Variants in OR2T6 observed in about 807,000 individuals in gnomAD.
OR2T6 encodes the protein olfactory receptor 2T6.
For missense variants in OR2T6, 424 were observed against 391.6 expected (o/e 1.08, Z -0.70); for synonymous variants, 174 against 148.0 (o/e 1.18, Z -1.27).
At chr1:248,387,059 C>G (rs149275039) in intron 2 of OR2T6, among the ~76,000 whole-genome samples, 129 of 152,274 alleles carry the variant, frequency 8.5e-4, no homozygotes, top group African/African-American at 3.0e-3. Context: ...TGAGGGAACA[C>G]ATAAGAATGA....
chr1:248,385,135 G>T (rs1223729205), intron 2 of OR2T6, among the ~76,000 whole-genome samples: 1 of 152,142 alleles, frequency 6.6e-6, no homozygotes, highest in Non-Finnish European at 1.5e-5. Context: ...AGACCCTGCT[G>T]CAGAGAAAAT....
At chr1:248,380,139 A>G (rs1661006590) in intron 1 of OR2T6, among the ~76,000 whole-genome samples, 1 of 151,932 alleles carries the variant, frequency 6.6e-6, no homozygotes, top group Admixed American at 6.6e-5. Context: ...AATTTTGACT[A>G]TATTTGTGTG....
chr1:248,384,652 C>G (rs68150543), intron 1 of OR2T6, 59 bp from the exon 2 acceptor site: 1 of 54,332 alleles, frequency 1.8e-5, no homozygotes, highest in Admixed American at 1.9e-4. Context: ...TGTTCATCCT[C>G]TCCTGAAGTG....
rs538669909 is a variant in OR2T6, at chr1:248,388,478, C to T, written c.870C>T (p.Tyr290=). The T allele has an allele frequency of 6.2e-7, 1 of 1,604,366 alleles. No homozygotes were observed. Among genetic ancestry groups the T allele is most frequent in the South Asian group, 1.1e-5 (1 of 88,992 alleles). Residue 290 remains tyrosine (Y), a synonymous_variant, in exon 3 of 3, where the codon TAC becomes TAT. Transcript: ENST00000641644. ...ILTPLLNPLI[Y]SLRNRDVMGA... is the part of the protein sequence containing the mutation. ...CACCCTTATTAAACCCTCTCATCTA[C>T]AGTCTGAGGAACAGGGATGTGATGG...
rs1179960453 is a variant in OR2T6 at position 248,389,497 on chromosome 1, C to A, written c.*962C>A. The A allele has an allele frequency of 6.6e-6, 1 of 152,110 alleles. No individual in the cohort carries two copies. Among genetic ancestry groups the A allele is most frequent in the Non-Finnish European group, 1.5e-5 (1 of 68,030 alleles). 9.4% of individuals were successfully genotyped at this position (152,110 alleles called of 1,614,324 possible). On this transcript the variant is annotated 3_prime_UTR_variant, in exon 3 of 3. Transcript: ENST00000641644. ...TCATGTGAAAATTAGAACTGGAAACCCTTGTAAATGACTTAGTGTCATGAG... is the reference window on the plus strand; with the variant it reads ...TCATGTGAAAATTAGAACTGGAAACACTTGTAAATGACTTAGTGTCATGAG...
chr1:248,385,392 A>G (rs1661120890), intron 2 of OR2T6, among the ~76,000 whole-genome samples: 1 of 152,196 alleles, frequency 6.6e-6, no homozygotes. Context: ...ACACTTGCAA[A>G]TTATTTTTTA....
intron 1 of OR2T6, among the ~76,000 whole-genome samples, chr1:248,381,037 ATGT>A (rs1245279343): frequency 6.6e-6 from 1 of 151,996 alleles, no homozygotes; most frequent in African/African-American, 2.4e-5. Context: ...ACTCTGAATG[ATGT>A]TGTAGCCATG....
intron 2 of OR2T6, 55 bp downstream of exon 2, chr1:248,384,919 T>A (rs1260594918): frequency 6.6e-6 from 1 of 152,204 alleles, no homozygotes; most frequent in Admixed American, 6.5e-5. Context: ...AAGGAAAAAC[T>A]TAGAAAGGAA....
In OR2T6 at chr1:248,388,679, C is replaced by T; in HGVS notation, c.*144C>T. Reference sequence around the variant, plus strand: ...CCAGCTGTGCTAAATGGTGTATCAACAGTACCCCCATCAAAAATGGGAAGT... The same window carrying T: ...CCAGCTGTGCTAAATGGTGTATCAATAGTACCCCCATCAAAAATGGGAAGT... On this transcript the variant is annotated 3_prime_UTR_variant, in exon 3 of 3. Transcript: ENST00000641644. 1.8e-6 allele frequency: 1 copy of T among 546,016 alleles called. No homozygotes were observed. The highest frequency in any genetic ancestry group is 3.1e-6 in the Non-Finnish European group (1 of 323,120). 33.8% of individuals were successfully genotyped at this position (546,016 alleles called of 1,614,324 possible).
chr1:248,387,778 C>T lies in OR2T6; in HGVS notation c.170C>T (p.Thr57Ile). 5.0e-6 allele frequency: 8 copies of T among 1,611,982 alleles called. No homozygotes were observed. The highest frequency in any genetic ancestry group is 6.8e-6 in the Non-Finnish European group (8 of 1,178,338). Residue 57 changes from threonine to isoleucine, a missense_variant, in exon 3 of 3, where the codon ACC becomes ATC. Transcript: ENST00000641644. ...ATTAACATAGACCCTCATCTCCACA[C>T]CCCCATGTACTTCCTCCTCAGCCAC... ...FLINIDPHLH[T>I]PMYFLLSHLS...
Position 248,388,197 on chromosome 1 carries a change from A to G in OR2T6, c.589A>G (p.Thr197Ala). 1 of 1,612,252 alleles carries G rather than the reference A, an allele frequency of 6.2e-7. No individual in the cohort carries two copies. Among genetic ancestry groups the G allele is most frequent in the Non-Finnish European group, 8.5e-7 (1 of 1,179,774 alleles). Reference sequence around the variant, plus strand: ...CTGTGGGGACAAAACCACCTATGAAACAGTGATGTATGTGTGCTGCGTTGC... The same window carrying G: ...CTGTGGGGACAAAACCACCTATGAAGCAGTGATGTATGTGTGCTGCGTTGC... ...LACGDKTTYE[T>A]VMYVCCVAML... The change falls in exon 3 of 3, where the codon ACA becomes GCA. Residue 197 changes from threonine to alanine, a missense_variant. Physicochemically the swap from Thr to Ala is moderately conservative, Grantham distance 58 (BLOSUM62 0). Transcript: ENST00000641644.
intron 1 of OR2T6, among the ~76,000 whole-genome samples, chr1:248,381,048 A>G (rs1385347716): frequency 6.6e-6 from 1 of 152,060 alleles, no homozygotes; most frequent in Non-Finnish European, 1.5e-5. Flanking sequence ...TGTTGTAGCC[A>G]TGATTAACCT....
At chr1:248,386,640 C>T (rs142343864) in intron 2 of OR2T6, among the ~76,000 whole-genome samples, 17 of 152,298 alleles carry the variant, frequency 1.1e-4, no homozygotes, top group African/African-American at 2.9e-4. Context: ...CTCTTTACCC[C>T]GGCCTGCATA....
intron 1 of OR2T6, among the ~76,000 whole-genome samples, chr1:248,379,218 T>C (rs540724798): frequency 6.6e-6 from 1 of 152,276 alleles, no homozygotes; most frequent in African/African-American, 2.4e-5. Context: ...TGTTGATATG[T>C]TGTTGATATT....
intron 2 of OR2T6, among the ~76,000 whole-genome samples, chr1:248,385,204 T>C (rs1018285122): frequency 1.3e-5 from 2 of 152,298 alleles, no homozygotes; most frequent in South Asian, 4.2e-4. Flanking sequence ...TGAGAGACCT[T>C]GTACATGTGC....
chr1:248,386,535 A>C (rs1169084566), intron 2 of OR2T6, among the ~76,000 whole-genome samples: 1 of 152,216 alleles, frequency 6.6e-6, no homozygotes, highest in Non-Finnish European at 1.5e-5. Flanking sequence ...AAAGAAAAAA[A>C]CAGAAAGATC....
Position 248,391,668 on chromosome 1 carries a change from A to G in OR2T6, c.*3133A>G, listed in dbSNP as rs1661250640. On this transcript the variant is annotated 3_prime_UTR_variant, in exon 3 of 3. Transcript: ENST00000641644. ...TATCAAAATTGATTCATCTATTGTA[A>G]CAAATGTACTACACTAATGCCAGAT... 6.6e-6 allele frequency: 1 copy of G among 152,210 alleles called. No homozygotes were observed. The highest frequency in any genetic ancestry group is 2.4e-5 in the African/African-American group (1 of 41,448). 9.4% of individuals were successfully genotyped at this position (152,210 alleles called of 1,614,324 possible).
rs773197375 is a variant in OR2T6, at chr1:248,382,532, C to CTTTTTTTT, written c.-158-2176_-158-2175insTTTTTTTT. 1.5e-4 allele frequency among the ~76,000 whole-genome samples: 18 copies of CTTTTTTTT among 117,284 alleles called. 2 individuals carry two copies. The highest frequency in any genetic ancestry group is 2.4e-4 in the East Asian group (1 of 4,208). 76.9% of individuals were successfully genotyped at this position (117,284 alleles called of 152,430 possible). On this transcript the variant is annotated intron_variant, in intron 1 of 2. Coordinates refer to ENST00000641644, the MANE Select transcript of OR2T6 (RefSeq NM_001005471.2). Reference sequence around the variant, plus strand: ...CAATACTCCATGTCTACCTTTCTTTCTTTCTTTTTTTTTTTTTTTAGATGG... The same window carrying CTTTTTTTT: ...CAATACTCCATGTCTACCTTTCTTTCTTTTTTTTTTTCTTTTTTTTTTTTTTTAGATGG...
At chr1:248,378,669 G>C (rs1206037865) in intron 1 of OR2T6, among the ~76,000 whole-genome samples, 1 of 152,074 alleles carries the variant, frequency 6.6e-6, no homozygotes, top group Non-Finnish European at 1.5e-5. Context: ...GTCCTACAGA[G>C]GTCAAAGTCA....
Sources: gnomAD v4.1 joint callset for allele counts (sites outside exome capture counted in the v4.1 genomes callset) on GRCh38, gnomAD v4.1.1 for gene constraint, MANE v1.5 for transcripts, NCBI Gene and HGNC (gene_info 2026-07-23, HGNC 2026-07-21) for gene names.